The following TRAPPC6B variants were observed in gnomAD, a reference collection of about 807,000 sequenced individuals.
TRAPPC6B encodes the protein trafficking protein particle complex subunit 6B.
TRAPPC6B carries 27 observed loss-of-function variants against 24.7 expected under a neutral mutation model. The observed-to-expected ratio is 1.09, with a 90% CI of 0.81 to 1.51. TRAPPC6B has a LOEUF of 1.51. TRAPPC6B is among the 40% of genes most tolerant of loss of function. The pLI, the probability that TRAPPC6B is intolerant of heterozygous loss-of-function variation, is 0.00. For synonymous variants in TRAPPC6B, 80 were observed against 66.6 expected (o/e 1.20, Z -0.98); for missense variants, 212 against 190.8 (o/e 1.11, Z -0.66).
chr14:39,164,193 A>T (rs1221083358), intron 1 of TRAPPC6B, among the ~76,000 whole-genome samples: 3 of 151,984 alleles, frequency 2.0e-5, no homozygotes, highest in Non-Finnish European at 2.9e-5. Context: ...GTAAATTTCT[A>T]AAAAAAATCA....
Position 39,158,309 on chromosome 14 carries a change from G to A in TRAPPC6B, c.243C>T (p.Ile81=), listed in dbSNP as rs771784060. Residue 81 remains isoleucine, a synonymous_variant, in exon 3 of 6, where the codon ATC becomes ATT. Coordinates refer to ENST00000330149, the MANE Select transcript of TRAPPC6B (RefSeq NM_001079537.2). ...DFWTTVFKKQ[I]DNLRTNHQGI... The stretch of plus-strand genomic sequence containing the variant: ...CCTGATGATTTGTCCTTAGATTGTC[G>A]ATTTGTTTCTTGAATACCGTAGTCC... 29 of 1,591,898 alleles carry A rather than the reference G, an allele frequency of 1.8e-5. No homozygotes were observed. The highest frequency in any genetic ancestry group is 2.1e-5 in the Non-Finnish European group (25 of 1,170,304).
Position 39,158,336 on chromosome 14 carries a change from A to T in TRAPPC6B, c.216T>A (p.Phe72Leu), listed in dbSNP as rs372784000. Reference sequence around the variant, plus strand: ...TTTGTTTCTTGAATACCGTAGTCCAAAAATCTTTACAAATGAACTTCATGA... The same window carrying T: ...TTTGTTTCTTGAATACCGTAGTCCATAAATCTTTACAAATGAACTTCATGA... The part of the protein sequence containing the change: ...LDIMKFICKD[F>L]WTTVFKKQID... The change falls in exon 3 of 6, where the codon TTT becomes TTA. Residue 72 changes from phenylalanine to leucine, a missense_variant. Transcript: ENST00000330149. 8 of 1,604,354 alleles carry T rather than the reference A, an allele frequency of 5.0e-6. No homozygotes were observed. Among genetic ancestry groups the T allele is most frequent in the Non-Finnish European group, 5.1e-6 (6 of 1,178,016 alleles).
intron 4 of TRAPPC6B, among the ~76,000 whole-genome samples, chr14:39,153,630 TAAAAAA>T (rs1297497878): frequency 7.4e-6 from 1 of 135,448 alleles, no homozygotes; most frequent in African/African-American, 2.7e-5. Flanking sequence ...GACCTTGTCT[TAAAAAA>T]AAAAAAAAAG....
In TRAPPC6B at chr14:39,159,552, T is replaced by C. The variant is rs761878844; in HGVS notation, c.82-2A>G. Reference sequence around the variant, plus strand: ...CTTAGTAATACATCGTCCGTTTTCCTATTTTAAAAAACAATAGTTTTAAAT... The same window carrying C: ...CTTAGTAATACATCGTCCGTTTTCCCATTTTAAAAAACAATAGTTTTAAAT... On this transcript the variant is annotated splice_acceptor_variant, in intron 1 of 5. Coordinates refer to ENST00000330149, the MANE Select transcript of TRAPPC6B (RefSeq NM_001079537.2). LOFTEE classifies it high-confidence loss of function. 1.1e-5 allele frequency: 17 copies of C among 1,601,000 alleles called. No individual in the cohort carries two copies. The Admixed American group carries it at 2.2e-4, about 21-fold the overall frequency.
intron 1 of TRAPPC6B, among the ~76,000 whole-genome samples, chr14:39,167,744 A>G (rs2053122804): frequency 6.6e-6 from 1 of 152,188 alleles, no homozygotes; most frequent in Admixed American, 6.5e-5. Flanking sequence ...GTAGAAAAAG[A>G]AAGTTATTTT....
intron 1 of TRAPPC6B, among the ~76,000 whole-genome samples, chr14:39,162,439 G>A (rs1046988142): frequency 6.6e-6 from 1 of 151,998 alleles, no homozygotes; most frequent in Non-Finnish European, 1.5e-5. Context: ...CTACAGGTGT[G>A]AGCCACTGCA....
chr14:39,158,525 A>ATT, intron 2 of TRAPPC6B, 123 bp from the exon 3 acceptor site: 9 of 548,272 alleles, frequency 1.6e-5, no homozygotes, highest in South Asian at 2.4e-5. Context: ...TTTAATTTTA[A>ATT]TTTTTTTTTT....
In TRAPPC6B at chr14:39,170,253, A is replaced by G. The variant is rs1275080989; in HGVS notation, c.-158T>C. 3.1e-6 allele frequency: 2 copies of G among 648,298 alleles called. No individual in the cohort carries two copies. Among genetic ancestry groups the G allele is most frequent in the Admixed American group, 2.8e-5 (1 of 35,672 alleles). 40.2% of individuals were successfully genotyped at this position (648,298 alleles called of 1,614,324 possible). A position where few individuals can be genotyped will look rare whatever the true frequency, so the allele number is the denominator to read the frequency against. ...ACCGAGGTATTCACACGACTTCCCAAAGGCTGGTACTGAAATGAGTCTGGT... is the reference window on the plus strand; with the variant it reads ...ACCGAGGTATTCACACGACTTCCCAGAGGCTGGTACTGAAATGAGTCTGGT... On this transcript the variant is annotated 5_prime_UTR_variant, in exon 1 of 6. Coordinates refer to ENST00000330149, the MANE Select transcript of TRAPPC6B (RefSeq NM_001079537.2).
chr14:39,148,516 A>G lies in TRAPPC6B; in HGVS notation c.*1834T>C. On this transcript the variant is annotated 3_prime_UTR_variant, in exon 6 of 6. Coordinates refer to ENST00000330149, the MANE Select transcript of TRAPPC6B (RefSeq NM_001079537.2). ...AACGAAATGGCTGATGGGTAGGCAT[A>G]TGAATGTCTAACAAACCAACTTATT... 1 of 396,196 alleles carries G rather than the reference A, an allele frequency of 2.5e-6. No homozygotes were observed. Among genetic ancestry groups the G allele is most frequent in the Non-Finnish European group, 4.4e-6 (1 of 224,870 alleles). The allele number at this position is 396,196 out of a possible 1,614,324, so 24.5% of individuals were successfully genotyped here. A position where few individuals can be genotyped will look rare whatever the true frequency, so the allele number is the denominator to read the frequency against.
At chr14:39,157,139 G>T in intron 3 of TRAPPC6B, 1 of 221,952 alleles carries the variant, frequency 4.5e-6, no homozygotes, top group Non-Finnish European at 9.0e-6. Context: ...AAGAAAGAAA[G>T]TGGTGAATCC....
Position 39,148,616 on chromosome 14 carries a change from T to C in TRAPPC6B, c.*1734A>G, listed in dbSNP as rs1231384803. 2 of 398,322 alleles carry C rather than the reference T, an allele frequency of 5.0e-6. No homozygotes were observed. The highest frequency in any genetic ancestry group is 8.9e-6 in the Non-Finnish European group (2 of 225,968). 24.7% of individuals were successfully genotyped at this position (398,322 alleles called of 1,614,324 possible). On this transcript the variant is annotated 3_prime_UTR_variant, in exon 6 of 6. Transcript: ENST00000330149. ...AGTTCTCTATTGTGTTCTATTTTGATCTACTTCTGTGTCATTAGCTATTCC... is the reference window on the plus strand; with the variant it reads ...AGTTCTCTATTGTGTTCTATTTTGACCTACTTCTGTGTCATTAGCTATTCC...
At chr14:39,167,743 G>C (rs2053122777) in intron 1 of TRAPPC6B, among the ~76,000 whole-genome samples, 1 of 151,966 alleles carries the variant, frequency 6.6e-6, no homozygotes, top group African/African-American at 2.4e-5. Flanking sequence ...AGTAGAAAAA[G>C]AAAGTTATTT....
intron 3 of TRAPPC6B, chr14:39,157,532 C>A: frequency 2.4e-6 from 1 of 412,098 alleles, no homozygotes; most frequent in Non-Finnish European, 4.8e-6. Context: ...GTGGTGACTG[C>A]ACACTATGTG....
At chr14:39,169,066 A>G (rs977951562) in intron 1 of TRAPPC6B, among the ~76,000 whole-genome samples, 1 of 151,988 alleles carries the variant, frequency 6.6e-6, no homozygotes, top group African/African-American at 2.4e-5. Context: ...TACCTCTACC[A>G]CTTTATCTTT....
At chr14:39,161,596 C>T (rs1868308304) in intron 1 of TRAPPC6B, among the ~76,000 whole-genome samples, 1 of 152,172 alleles carries the variant, frequency 6.6e-6, no homozygotes, top group South Asian at 2.1e-4. Flanking sequence ...GCCTTAAAAT[C>T]TGCCTTCACT....
Position 39,170,069 on chromosome 14 carries a change from A to C in TRAPPC6B, c.27T>G (p.Leu9=), listed in dbSNP as rs530960551. Residue 9 remains leucine, a synonymous_variant, in exon 1 of 6, where the codon CTT becomes CTG. Coordinates refer to ENST00000330149, the MANE Select transcript of TRAPPC6B (RefSeq NM_001079537.2). ...CTCCAGACACCATCTCGTTATGGAGAAGCAAAAACAACGCCTCATCCGCCA... is the reference window on the plus strand; with the variant it reads ...CTCCAGACACCATCTCGTTATGGAGCAGCAAAAACAACGCCTCATCCGCCA... MADEALFL[L]LHNEMVSGVY... 36 of 1,613,984 alleles carry C rather than the reference A, an allele frequency of 2.2e-5. No homozygotes were observed. In the East Asian group the frequency reaches 5.1e-4, roughly 23 times the overall value.
rs1245509988 is a variant in TRAPPC6B at position 39,157,005 on chromosome 14, G to C, written c.267+1280C>G. Among the ~76,000 whole-genome samples, 5 of 151,994 alleles carry C rather than the reference G, an allele frequency of 3.3e-5. No individual in the cohort carries two copies. The East Asian group carries it at 7.7e-4, about 24-fold the overall frequency. ...CATGCCTGTAGTCCCAGCTACCTGG[G>C]AGCCTGAGGCAGAATGGCTTGAACC... On this transcript the variant is annotated intron_variant, in intron 3 of 5. Transcript: ENST00000330149.
chr14:39,170,020 C>A lies in TRAPPC6B; in HGVS notation c.76G>T (p.Glu26Ter), dbSNP rs981175706. Residue 26 changes from glutamate (E) to a stop codon, truncating the protein, a stop_gained, in exon 1 of 6, where the codon GAG becomes TAG. Coordinates refer to ENST00000330149, the MANE Select transcript of TRAPPC6B (RefSeq NM_001079537.2). LOFTEE classifies it high-confidence loss of function. ...SGVYKSAEQG[E>*]VENGRCITKL... ...GGTTGTGTGGCAGCACTCACCACCT[C>A]CCCCTGCTCCGCGGACTTGTACACT... is the stretch of plus-strand genomic sequence containing the variant. The A allele has an allele frequency of 1.2e-6, 2 of 1,613,934 alleles. No homozygotes were observed. The highest frequency in any genetic ancestry group is 2.7e-5 in the African/African-American group (2 of 74,912).
intron 1 of TRAPPC6B, among the ~76,000 whole-genome samples, chr14:39,165,000 C>T (rs1026558415): frequency 2.0e-5 from 3 of 151,976 alleles, no homozygotes; most frequent in African/African-American, 7.3e-5. Flanking sequence ...GCCATGTTCT[C>T]TTCTGTCTCC....
Sources: gnomAD v4.1 joint callset for allele counts (sites outside exome capture counted in the v4.1 genomes callset) on GRCh38, gnomAD v4.1.1 for gene constraint, MANE v1.5 for transcripts, NCBI Gene and HGNC (gene_info 2026-07-23, HGNC 2026-07-21) for gene names.